WDPCP: variants seen among roughly 807,000 people sequenced by gnomAD.
WDPCP encodes the protein WD repeat containing planar cell polarity effector, also known as WD repeat-containing and planar cell polarity effector protein fritz homolog.
Under a neutral mutation model 93.1 loss-of-function variants are expected in WDPCP, and 71 were observed. The observed-to-expected ratio is 0.76, with a 90% confidence interval of 0.63 to 0.93. The LOEUF is 0.93. WDPCP is among the 40% of genes least tolerant of loss of function. The probability of loss-of-function intolerance (pLI) is 0.00; values close to 1 mark genes in which losing one functional copy is unlikely to be tolerated. For missense variants in WDPCP, 844 were observed against 887.4 expected (o/e 0.95, Z 0.62); for synonymous variants, 315 against 315.0 (o/e 1.00, Z 0.00).
intron 14 of WDPCP, among the ~76,000 whole-genome samples, chr2:63,216,718 A>AT (rs1407853634): frequency 2.0e-5 from 3 of 152,222 alleles, no homozygotes; most frequent in African/African-American, 7.2e-5. Flanking sequence ...TAATAAAAAA[A>AT]AAACTAAAAA....
intron 12 of WDPCP, chr2:63,369,598 A>G (rs962295029): frequency 1.4e-5 from 6 of 441,094 alleles, no homozygotes; most frequent in Non-Finnish European, 2.7e-5. Flanking sequence ...AAAATAACTA[A>G]TGTCTAGGGT....
At chr2:63,552,729 A>C (rs887993832) in intron 1 of WDPCP, among the ~76,000 whole-genome samples, 1 of 152,242 alleles carries the variant, frequency 6.6e-6, no homozygotes, top group African/African-American at 2.4e-5. Flanking sequence ...ACTAACAAAA[A>C]AGCTATAAAT....
At chr2:63,649,693 T>C (rs1710087948) in intron 3 of WDPCP, among the ~76,000 whole-genome samples, 1 of 152,238 alleles carries the variant, frequency 6.6e-6, no homozygotes, top group Admixed American at 6.5e-5. Context: ...ATCATTCCCC[T>C]GCTCAGCCAG....
intron 1 of WDPCP, among the ~76,000 whole-genome samples, chr2:63,522,187 C>T (rs1348377384): frequency 1.3e-5 from 2 of 151,724 alleles, no homozygotes; most frequent in Non-Finnish European, 2.9e-5. Context: ...TCCTCTAGCC[C>T]CCCACCCCCC....
chr2:63,183,462 A>T (rs1275739732), intron 14 of WDPCP, among the ~76,000 whole-genome samples: 1 of 151,994 alleles, frequency 6.6e-6, no homozygotes, highest in African/African-American at 2.4e-5. Flanking sequence ...GTATTGATTT[A>T]TAGTTTTATT....
intron 2 of WDPCP, among the ~76,000 whole-genome samples, chr2:63,692,725 G>A (rs1191528920): frequency 1.3e-5 from 2 of 152,118 alleles, no homozygotes; most frequent in Non-Finnish European, 2.9e-5. Flanking sequence ...GCTTCATTCT[G>A]AAAAATATAT....
At chr2:63,160,577 A>G (rs1054597709) in intron 15 of WDPCP, among the ~76,000 whole-genome samples, 3 of 152,196 alleles carry the variant, frequency 2.0e-5, no homozygotes, top group Admixed American at 6.5e-5. Context: ...TGCTGGGTTA[A>G]TTTATTATCC....
intron 9 of WDPCP, among the ~76,000 whole-genome samples, chr2:63,406,544 G>C (rs1200187258): frequency 6.6e-6 from 1 of 152,120 alleles, no homozygotes. Flanking sequence ...TATAACAAAA[G>C]ACAGATTAAT....
At chr2:63,276,705 A>G (rs1344435733) in intron 13 of WDPCP, among the ~76,000 whole-genome samples, 1 of 152,232 alleles carries the variant, frequency 6.6e-6, no homozygotes, top group Non-Finnish European at 1.5e-5. Context: ...AAATGTGAAG[A>G]AAGCCTATAA....
At chr2:63,605,407 G>T in intron 3 of WDPCP, 1 of 1,531,034 alleles carries the variant, frequency 6.5e-7, no homozygotes, top group South Asian at 1.1e-5. Context: ...AGGATTTAGT[G>T]ATTTGCACAG....
At chr2:63,137,540 A>C (rs1286912375) in intron 17 of WDPCP, among the ~76,000 whole-genome samples, 2 of 152,032 alleles carry the variant, frequency 1.3e-5, no homozygotes, top group Admixed American at 1.3e-4. Context: ...GCTGTGCAGA[A>C]GCTCTTTAGT....
At chr2:63,538,382 A>G (rs1210612693) in intron 1 of WDPCP, among the ~76,000 whole-genome samples, 2 of 152,198 alleles carry the variant, frequency 1.3e-5, no homozygotes, top group African/African-American at 4.8e-5. Context: ...GAGAAATGTG[A>G]GTATCCCACA....
At chr2:63,637,841 G>A (rs868718302) in intron 3 of WDPCP, among the ~76,000 whole-genome samples, 3 of 152,314 alleles carry the variant, frequency 2.0e-5, no homozygotes, top group South Asian at 2.1e-4. Context: ...TGGTGGGAAT[G>A]TAAATTGGTA....
chr2:63,425,820 A>G (rs1308700857), intron 9 of WDPCP, among the ~76,000 whole-genome samples: 2 of 152,218 alleles, frequency 1.3e-5, no homozygotes, highest in African/African-American at 4.8e-5. Context: ...ACAGTCCAAG[A>G]AAACATTCCC....
intron 6 of WDPCP, among the ~76,000 whole-genome samples, 153 bp downstream of exon 6, chr2:63,484,451 T>C (rs1179304327): frequency 6.6e-6 from 1 of 152,058 alleles, no homozygotes; most frequent in African/African-American, 2.4e-5. Context: ...ATCTGTCTAA[T>C]GTTAGCTCTA....
In WDPCP at chr2:63,424,897, G is replaced by A. The variant is rs180842566; in HGVS notation, c.825+8848C>T. ...TCGGAGGGGGATCCCCAAGGCCCGG[G>A]AATGGATCTGGCGAGGGGCTTATCT... On this transcript the variant is annotated intron_variant, in intron 9 of 17. Coordinates refer to ENST00000272321, the MANE Select transcript of WDPCP (RefSeq NM_015910.7). Among the ~76,000 whole-genome samples the A allele has an allele frequency of 2.3e-3, 352 of 152,316 alleles. 2 individuals carry two copies. The highest frequency in any genetic ancestry group is 8.1e-3 in the African/African-American group (336 of 41,578).
At chr2:63,598,131 T>A (rs1275230811) in intron 3 of WDPCP, 2 of 152,104 alleles carry the variant, frequency 1.3e-5, no homozygotes, top group Admixed American at 1.3e-4. Flanking sequence ...TTTTTATTAA[T>A]TTTTTTAATT....
At chr2:63,209,322 A>G (rs1223052989) in intron 14 of WDPCP, among the ~76,000 whole-genome samples, 1 of 152,216 alleles carries the variant, frequency 6.6e-6, no homozygotes, top group Non-Finnish European at 1.5e-5. Flanking sequence ...GACAGTAGGT[A>G]GGAACAGTAG....
chr2:63,708,405 T>C (rs1558890401), intron 2 of WDPCP, among the ~76,000 whole-genome samples: 1 of 152,250 alleles, frequency 6.6e-6, no homozygotes, highest in Non-Finnish European at 1.5e-5. Flanking sequence ...CAAGGCTCCG[T>C]GGGCATAGGA....
Sources: gnomAD v4.1 joint callset for allele counts (sites outside exome capture counted in the v4.1 genomes callset) on GRCh38, gnomAD v4.1.1 for gene constraint, MANE v1.5 for transcripts, NCBI Gene and HGNC (gene_info 2026-07-23, HGNC 2026-07-21) for gene names.